The following DLG2 variants were observed in gnomAD, a reference collection of about 807,000 sequenced individuals.
The protein encoded by DLG2 is discs large MAGUK scaffold protein 2.
DLG2 carries 45 observed loss-of-function variants against 132.5 expected under a neutral mutation model. The ratio of observed to expected loss-of-function variants is 0.34; its 90% CI spans 0.27 to 0.44. The LOEUF (loss-of-function observed/expected upper bound fraction) is 0.44. Ranked by LOEUF, DLG2 falls within the 20% of genes least tolerant of loss-of-function variation. The pLI is 1.00. For synonymous variants in DLG2, 424 were observed against 419.6 expected (o/e 1.01, Z -0.13); for missense variants, 1,045 against 1,196.9 (o/e 0.87, Z 1.87).
chr11:84,802,313 G>C (rs1048240604), intron 6 of DLG2, among the ~76,000 whole-genome samples: 1 of 152,050 alleles, frequency 6.6e-6, no homozygotes, highest in African/African-American at 2.4e-5. Flanking sequence ...GTAATAAAGG[G>C]AGGTATGATA....
chr11:85,586,743 G>C (rs1007319652), intron 3 of DLG2, among the ~76,000 whole-genome samples: 6 of 151,854 alleles, frequency 4.0e-5, no homozygotes, highest in African/African-American at 1.5e-4. Context: ...GTTAGGTTTG[G>C]GTTGGTTTTT....
At chr11:83,576,134 A>G (rs1047010769) in intron 19 of DLG2, among the ~76,000 whole-genome samples, 1 of 152,218 alleles carries the variant, frequency 6.6e-6, no homozygotes, top group Non-Finnish European at 1.5e-5. Flanking sequence ...AATAGAATTA[A>G]AGGCAAATTA....
intron 3 of DLG2, among the ~76,000 whole-genome samples, chr11:85,386,902 CT>C (rs1164952740): frequency 1.8e-4 from 24 of 131,566 alleles, no homozygotes; most frequent in African/African-American, 3.9e-4. Flanking sequence ...TTTTTTTTTT[CT>C]TTTTTTTTTA....
rs905671622 is a variant in DLG2 at position 83,759,172 on chromosome 11, G to A, written c.1825+27518C>T. On this transcript the variant is annotated intron_variant, in intron 18 of 27. Transcript: ENST00000376104. ...AGTCATAAGTGTCTATATAGGTAAA[G>A]TACATTAATGGTTCAGAAGATAGAA... Among the ~76,000 whole-genome samples the A allele has an allele frequency of 5.3e-4, 81 of 152,198 alleles. 7 individuals are homozygous for A. Among genetic ancestry groups the A allele is most frequent in the African/African-American group, 4.8e-5 (2 of 41,454 alleles).
intron 7 of DLG2, among the ~76,000 whole-genome samples, chr11:84,364,835 G>C (rs755436985): frequency 6.6e-6 from 1 of 151,968 alleles, no homozygotes; most frequent in Admixed American, 6.6e-5. Flanking sequence ...GTATATTGAA[G>C]GAGCCTTGCA....
At chr11:83,658,274 A>C (rs1053618378) in intron 18 of DLG2, among the ~76,000 whole-genome samples, 7 of 152,216 alleles carry the variant, frequency 4.6e-5, no homozygotes, top group Admixed American at 2.0e-4. Flanking sequence ...AGAAGGATGG[A>C]AACAAATATA....
chr11:84,178,663 A>G (rs1189697629), intron 8 of DLG2, among the ~76,000 whole-genome samples: 2 of 152,046 alleles, frequency 1.3e-5, no homozygotes, highest in African/African-American at 4.8e-5. Context: ...CCTCTCACCA[A>G]TCACTGGCTC....
intron 17 of DLG2, chr11:83,790,833 T>C (rs2041335806): frequency 1.3e-6 from 1 of 754,094 alleles, no homozygotes; most frequent in African/African-American, 1.7e-5. Flanking sequence ...CACAGAGACT[T>C]CCATGGTAGA....
At chr11:84,457,422 T>C (rs944250109) in intron 7 of DLG2, among the ~76,000 whole-genome samples, 3 of 151,036 alleles carry the variant, frequency 2.0e-5, no homozygotes, top group Admixed American at 1.3e-4. Context: ...ATACAAAATG[T>C]TTTGAGAATT....
At chr11:85,571,361 C>T (rs2077835045) in intron 3 of DLG2, among the ~76,000 whole-genome samples, 2 of 152,080 alleles carry the variant, frequency 1.3e-5, no homozygotes, top group Admixed American at 1.3e-4. Context: ...TGTGTGGCCT[C>T]TGAAGTTTCT....
At chr11:84,782,658 C>T (rs923769105) in intron 6 of DLG2, among the ~76,000 whole-genome samples, 1 of 152,158 alleles carries the variant, frequency 6.6e-6, no homozygotes, top group African/African-American at 2.4e-5. Context: ...CAACTCTTCT[C>T]TCTGAATCTC....
At chr11:84,251,035 G>GT (rs1192550153) in intron 8 of DLG2, among the ~76,000 whole-genome samples, 2 of 152,090 alleles carry the variant, frequency 1.3e-5, no homozygotes, top group Non-Finnish European at 2.9e-5. Flanking sequence ...GGGCCCTTGT[G>GT]TTTTACAAAA....
chr11:84,643,401 T>C (rs2099670594), intron 6 of DLG2, among the ~76,000 whole-genome samples: 1 of 152,200 alleles, frequency 6.6e-6, no homozygotes, highest in South Asian at 2.1e-4. Flanking sequence ...GAGCATGGGA[T>C]GTAGAATCTG....
At chr11:83,981,689 G>T (rs2374466) in intron 11 of DLG2, among the ~76,000 whole-genome samples, 96,287 of 151,918 alleles carry the variant, frequency 0.63, 33,436 homozygotes, top group Non-Finnish European at 0.79. Context: ...CACCTAACTT[G>T]GCCTCCCAAA....
chr11:85,528,067 G>A (rs142473905), intron 3 of DLG2, among the ~76,000 whole-genome samples: 1 of 152,102 alleles, frequency 6.6e-6, no homozygotes, highest in Non-Finnish European at 1.5e-5. Context: ...TAAGTTCTTT[G>A]TAGATTCTGG....
chr11:84,798,869 T>C (rs540153943), intron 6 of DLG2, among the ~76,000 whole-genome samples: 32 of 152,290 alleles, frequency 2.1e-4, no homozygotes, highest in African/African-American at 7.2e-4. Context: ...AAATGTTGTC[T>C]GGGAGCTCGG....
chr11:83,982,349 T>C (rs906930994), intron 11 of DLG2, among the ~76,000 whole-genome samples: 3 of 151,998 alleles, frequency 2.0e-5, no homozygotes, highest in African/African-American at 7.2e-5. Context: ...TTACATGTTA[T>C]TGCTCCTGAA....
At chr11:85,130,290 C>T (rs1294341352) in intron 5 of DLG2, among the ~76,000 whole-genome samples, 2 of 152,138 alleles carry the variant, frequency 1.3e-5, no homozygotes, top group Non-Finnish European at 1.5e-5. Context: ...ATCAGCATCC[C>T]TCTGCTCATT....
At chr11:83,605,028 A>AGAGAGAGAGAGG (rs1841585637) in intron 19 of DLG2, among the ~76,000 whole-genome samples, 1 of 150,970 alleles carries the variant, frequency 6.6e-6, no homozygotes, top group African/African-American at 2.4e-5. Context: ...AGAGAGAGAG[A>AGAGAGAGAGAGG]GAGAGAGAGA....
Sources: allele counts gnomAD v4.1 joint callset (sites outside exome capture counted in the v4.1 genomes callset), GRCh38; gene constraint gnomAD v4.1.1; transcripts MANE v1.5; gene names NCBI Gene and HGNC (gene_info 2026-07-23, HGNC 2026-07-21).